Variants in GLYCTK observed in about 807,000 individuals in gnomAD.
The protein encoded by GLYCTK is glycerate kinase.
Under a neutral mutation model 24.8 loss-of-function variants are expected in GLYCTK, and 22 were observed. That is an observed-to-expected ratio of 0.89 (90% confidence interval 0.63 to 1.27). The LOEUF is 1.27. GLYCTK is among the 50% of genes most tolerant of loss of function. The probability of loss-of-function intolerance (pLI) is 0.00; values close to 1 mark genes in which losing one functional copy is unlikely to be tolerated. For synonymous variants in GLYCTK, 320 were observed against 297.2 expected, an observed-to-expected ratio of 1.08 and a Z score of -0.79; for missense variants, 684 against 686.7, an observed-to-expected ratio of 1.00 and a Z score of 0.04.
At position 52,292,427 on chromosome 3, in the gene GLYCTK, C is replaced by T. The variant is rs550396773; in HGVS notation, c.873C>T (p.Ala291=). Residue 291 remains alanine (A), a synonymous_variant, in exon 5 of 5, where the codon GCC becomes GCT. Transcript: ENST00000436784. ...PRSVKTVLSR[A]DSDPHGPHTC... ...CTGTGAAGACTGTGCTGTCTCGGGC[C>T]GACTCTGACCCCCATGGGCCACACA... 2.2e-5 allele frequency: 36 copies of T among 1,613,416 alleles called. No homozygotes were observed. The highest frequency in any genetic ancestry group is 1.3e-4 in the South Asian group (12 of 91,080).
rs760488717 is a variant in GLYCTK at position 52,290,678 on chromosome 3, T to A, written c.336T>A (p.Val112=). The change falls in exon 2 of 5, where the codon GTT becomes GTA. Residue 112 remains valine (V), a synonymous_variant. Transcript: ENST00000436784. The part of the protein sequence containing the change: ...GQHLVQGVIS[V]PKGIRAAMER... ...ATCTTGTGCAGGGCGTGATCAGCGT[T>A]CCCAAGGGGATCCGTGCTGCCATGG... 4.3e-6 allele frequency: 7 copies of A among 1,613,460 alleles called. No homozygotes were observed. Among genetic ancestry groups the A allele is most frequent in the Non-Finnish European group, 5.9e-6 (7 of 1,179,828 alleles).
chr3:52,290,419 C>T lies in GLYCTK; in HGVS notation c.77C>T (p.Ala26Val), dbSNP rs1475401287. ...LHPLLWRGSV[A>V]RLASSMALAE... is the part of the protein sequence containing the mutation. ...CCACTCCTCTGGCGGGGCTCAGTGG[C>T]CCGTCTGGCCAGCAGCATGGCCTTG... The change falls in exon 2 of 5, where the codon GCC (alanine) becomes GTC (valine). Residue 26 changes from alanine to valine, a missense_variant. Coordinates refer to ENST00000436784, the MANE Select transcript of GLYCTK (RefSeq NM_145262.4). 6.2e-7 allele frequency: 1 copy of T among 1,610,590 alleles called. No individual in the cohort carries two copies. Among genetic ancestry groups the T allele is most frequent in the South Asian group, 1.1e-5 (1 of 91,066 alleles).
chr3:52,288,665 T>A (rs1467206471), intron 1 of GLYCTK: 1 of 152,186 alleles, frequency 6.6e-6, no homozygotes, highest in African/African-American at 2.4e-5. Flanking sequence ...GCATTGAGCG[T>A]CCCCCTGTCC....
Position 52,290,379 on chromosome 3 carries a change from C to G in GLYCTK, c.37C>G (p.Arg13Gly). The change falls in exon 2 of 5, where the codon CGA becomes GGA. Residue 13 changes from arginine to glycine, a missense_variant. By Grantham distance (125) the Arg-to-Gly change is moderately radical. Transcript: ENST00000436784. Reference sequence around the variant, plus strand: ...CCTGCAGGTCCTGCCCCGCTTGGCCCGAGCCCCCTTGCATCCACTCCTCTG... The same window carrying G: ...CCTGCAGGTCCTGCCCCGCTTGGCCGGAGCCCCCTTGCATCCACTCCTCTG... ...AALQVLPRLA[R>G]APLHPLLWRG... 1 of 1,603,064 alleles carries G rather than the reference C, an allele frequency of 6.2e-7. No homozygotes were observed. The highest frequency in any genetic ancestry group is 1.1e-5 in the South Asian group (1 of 90,954).
In GLYCTK at chr3:52,295,098, C is replaced by G. The variant is rs1416380869; in HGVS notation, c.*1972C>G. On this transcript the variant is annotated 3_prime_UTR_variant, in exon 5 of 5. Transcript: ENST00000436784. ...ATTGGACCCCATAGGGCCAAATGGT[C>G]TGTGAGCCTAACCCGTTAGATTTGC... The G allele has an allele frequency of 2.2e-6, 1 of 453,978 alleles. No homozygotes were observed. The highest frequency in any genetic ancestry group is 4.4e-6 in the Non-Finnish European group (1 of 226,802). The allele number at this position is 453,978 out of a possible 1,614,324, so 28.1% of individuals were successfully genotyped here.
In GLYCTK at chr3:52,290,670, A is replaced by G. The variant is rs1470638583; in HGVS notation, c.328A>G (p.Ile110Val). ...GGGCCAGCATCTTGTGCAGGGCGTG[A>G]TCAGCGTTCCCAAGGGGATCCGTGC... ...LLGQHLVQGVISVPKGIRAAM... is the reference protein window; with the variant it reads ...LLGQHLVQGVVSVPKGIRAAM... Residue 110 changes from isoleucine (I) to valine (V), a missense_variant, in exon 2 of 5, where the codon ATC (isoleucine) becomes GTC (valine). Physicochemically the swap from Ile to Val is conservative, Grantham distance 29. Transcript: ENST00000436784. 1 of 1,613,612 alleles carries G rather than the reference A, an allele frequency of 6.2e-7. No individual in the cohort carries two copies. Among genetic ancestry groups the G allele is most frequent in the East Asian group, 2.2e-5 (1 of 44,876 alleles).
In GLYCTK at chr3:52,290,985, C is replaced by A; in HGVS notation, c.403C>A (p.Arg135Ser). 1 of 1,614,082 alleles carries A rather than the reference C, an allele frequency of 6.2e-7. No individual in the cohort carries two copies. The highest frequency in any genetic ancestry group is 8.5e-7 in the Non-Finnish European group (1 of 1,180,020). ...KQEMLLKPHS[R>S]VQVFEGAEDN... ...GGAGATGCTGCTGAAGCCACATAGC[C>A]GTGTCCAGGTATTCGAGGGTGCGGA... The change falls in exon 3 of 5, where the codon CGT becomes AGT. Residue 135 changes from arginine to serine, a missense_variant. Transcript: ENST00000436784.
rs764187769 is a variant in GLYCTK at position 52,292,639 on chromosome 3, C to G, written c.1085C>G (p.Ser362Cys). The G allele has an allele frequency of 1.2e-6, 2 of 1,608,640 alleles. No homozygotes were observed. Among genetic ancestry groups the G allele is most frequent in the South Asian group, 1.1e-5 (1 of 90,752 alleles). ...GTGGCTAGAACCCGCCTCACCCCAT[C>G]CATGGCTGGGGCTTCTGTGGAGGAA... ...AHVARTRLTP[S>C]MAGASVEEDA... Residue 362 changes from serine to cysteine, a missense_variant, in exon 5 of 5, where the codon TCC becomes TGC. Coordinates refer to ENST00000436784, the MANE Select transcript of GLYCTK (RefSeq NM_145262.4).
chr3:52,294,574 C>T lies in GLYCTK; in HGVS notation c.*1448C>T, dbSNP rs1380143146. 10 of 397,992 alleles carry T rather than the reference C, an allele frequency of 2.5e-5. No homozygotes were observed. The highest frequency in any genetic ancestry group is 4.0e-5 in the Non-Finnish European group (8 of 201,626). 24.7% of individuals were successfully genotyped at this position (397,992 alleles called of 1,614,324 possible). Reference sequence around the variant, plus strand: ...TAGGAAAAGGGGAGCTTGCACCCCACTGGGATGCGCAGGCACCGCTTCCTT... The same window carrying T: ...TAGGAAAAGGGGAGCTTGCACCCCATTGGGATGCGCAGGCACCGCTTCCTT... On this transcript the variant is annotated 3_prime_UTR_variant, in exon 5 of 5. Coordinates refer to ENST00000436784, the MANE Select transcript of GLYCTK (RefSeq NM_145262.4).
chr3:52,291,100 T>C lies in GLYCTK; in HGVS notation c.518T>C (p.Val173Ala). 6.2e-7 allele frequency: 1 copy of C among 1,611,138 alleles called. No homozygotes were observed. The highest frequency in any genetic ancestry group is 8.5e-7 in the Non-Finnish European group (1 of 1,179,970). Residue 173 changes from valine (V) to alanine (A), a missense_variant, in exon 3 of 5, where the codon GTG becomes GCG. Val to Ala is a moderately conservative substitution (Grantham distance 64). Transcript: ENST00000436784. The part of the protein sequence containing the change: ...EGLTADDLLL[V>A]LISGGGSALL... Reference sequence around the variant, plus strand: ...CTCACAGCTGATGACCTGCTGCTCGTGCTGATCTCAGGTGTGGTACCACAT... The same window carrying C: ...CTCACAGCTGATGACCTGCTGCTCGCGCTGATCTCAGGTGTGGTACCACAT...
intron 4 of GLYCTK, 49 bp from the exon 5 acceptor site, chr3:52,292,211 G>A: frequency 6.2e-7 from 1 of 1,611,678 alleles, no homozygotes; most frequent in Non-Finnish European, 8.5e-7. Context: ...TATGGGCTCT[G>A]AGGGGAGGAG....
At position 52,292,659 on chromosome 3, in the gene GLYCTK, G is replaced by A. The variant is rs1209444767; in HGVS notation, c.1105G>A (p.Glu369Lys). 1 of 1,606,478 alleles carries A rather than the reference G, an allele frequency of 6.2e-7. No individual in the cohort carries two copies. Among genetic ancestry groups the A allele is most frequent in the African/African-American group, 1.3e-5 (1 of 74,902 alleles). ...CCCATCCATGGCTGGGGCTTCTGTG[G>A]AGGAAGATGCACAGCTCCATGAGCT... The part of the protein sequence containing the change: ...LTPSMAGASV[E>K]EDAQLHELAA... The change falls in exon 5 of 5, where the codon GAG becomes AAG. Residue 369 changes from glutamate to lysine, a missense_variant. By Grantham distance (56) the Glu-to-Lys change is moderately conservative. Transcript: ENST00000436784.
chr3:52,289,909 A>G (rs1462571097), intron 1 of GLYCTK, among the ~76,000 whole-genome samples: 1 of 152,234 alleles, frequency 6.6e-6, no homozygotes, highest in Admixed American at 6.5e-5. Flanking sequence ...GCGTTGCCCC[A>G]GGGTAACAGC....
At position 52,294,678 on chromosome 3, in the gene GLYCTK, G is replaced by A. The variant is rs1466811455; in HGVS notation, c.*1552G>A. ...TATGGTGATCCTCGCATGATCCTGT[G>A]CCGTGGTGCTCCTCTGGCAGCGTCT... On this transcript the variant is annotated 3_prime_UTR_variant, in exon 5 of 5. Coordinates refer to ENST00000436784, the MANE Select transcript of GLYCTK (RefSeq NM_145262.4). 1 of 442,834 alleles carries A rather than the reference G, an allele frequency of 2.3e-6. No individual in the cohort carries two copies. The highest frequency in any genetic ancestry group is 4.6e-6 in the Non-Finnish European group (1 of 219,268). The allele number at this position is 442,834 out of a possible 1,614,324, so 27.4% of individuals were successfully genotyped here. A position where few individuals can be genotyped will look rare whatever the true frequency, so the allele number is the denominator to read the frequency against.
At chr3:52,290,775 C>A in intron 2 of GLYCTK, 56 bp downstream of exon 2, 1 of 1,597,008 alleles carries the variant, frequency 6.3e-7, no homozygotes, top group Non-Finnish European at 8.5e-7. Flanking sequence ...AACCTGGGCC[C>A]AGACACAGGC....
In GLYCTK at chr3:52,291,878, C is replaced by T; in HGVS notation, c.661C>T (p.Gln221Ter). Reference protein sequence around the residue: ...ELNTIRKALSQLKGGGLAQAA... With the variant: ...ELNTIRKALS ...GAACACCATTCGGAAGGCCCTGTCC[C>T]AGCTCAAGGGTGGGGGGCTGGCTCA... is the stretch of plus-strand genomic sequence containing the variant. The change falls in exon 4 of 5, where the codon CAG (glutamine) becomes TAG (stop). Residue 221 changes from glutamine to a stop codon, truncating the protein, a stop_gained. Coordinates refer to ENST00000436784, the MANE Select transcript of GLYCTK (RefSeq NM_145262.4). LOFTEE classifies it high-confidence loss of function. 1 of 1,613,762 alleles carries T rather than the reference C, an allele frequency of 6.2e-7. No individual in the cohort carries two copies. Among genetic ancestry groups the T allele is most frequent in the Non-Finnish European group, 8.5e-7 (1 of 1,179,984 alleles).
In GLYCTK at chr3:52,294,124, G is replaced by T; in HGVS notation, c.*998G>T. On this transcript the variant is annotated 3_prime_UTR_variant, in exon 5 of 5. Coordinates refer to ENST00000436784, the MANE Select transcript of GLYCTK (RefSeq NM_145262.4). ...CAAGTGGGAATAGAGGAACGGCTGT[G>T]TTGGCCTGGCCAGCAGCCTGGGTTG... is the stretch of plus-strand genomic sequence containing the variant. 1 of 529,756 alleles carries T rather than the reference G, an allele frequency of 1.9e-6. No homozygotes were observed. The highest frequency in any genetic ancestry group is 3.9e-6 in the Non-Finnish European group (1 of 258,430). The allele number at this position is 529,756 out of a possible 1,614,324, so 32.8% of individuals were successfully genotyped here. A position where few individuals can be genotyped will look rare whatever the true frequency, so the allele number is the denominator to read the frequency against.
chr3:52,290,524 T>C lies in GLYCTK; in HGVS notation c.182T>C (p.Leu61Ser), dbSNP rs1471146850. The C allele has an allele frequency of 1.2e-6, 2 of 1,613,478 alleles. No individual in the cohort carries two copies. Among genetic ancestry groups the C allele is most frequent in the Non-Finnish European group, 1.7e-6 (2 of 1,180,018 alleles). ...CCCATGCTGCACCGGGCACTATCCT[T>C]GGACCCTGGTGGCAGACAGCTGAAG... ...PGPMLHRALSLDPGGRQLKVR... is the reference protein window; with the variant it reads ...PGPMLHRALSSDPGGRQLKVR... Residue 61 changes from leucine to serine, a missense_variant, in exon 2 of 5, where the codon TTG becomes TCG. Coordinates refer to ENST00000436784, the MANE Select transcript of GLYCTK (RefSeq NM_145262.4).
In GLYCTK at chr3:52,294,773, C is replaced by T. The variant is rs1342402252; in HGVS notation, c.*1647C>T. The stretch of plus-strand genomic sequence containing the variant: ...AGTATTGGCACTGGGTTCCAAGTTC[C>T]AGGCAAAAGCAGGATAGGAGAGCTG... On this transcript the variant is annotated 3_prime_UTR_variant, in exon 5 of 5. Coordinates refer to ENST00000436784, the MANE Select transcript of GLYCTK (RefSeq NM_145262.4). 8.8e-6 allele frequency: 4 copies of T among 452,136 alleles called. No homozygotes were observed. The Admixed American group carries it at 9.4e-5, about 11-fold the overall frequency. The allele number at this position is 452,136 out of a possible 1,614,324, so 28.0% of individuals were successfully genotyped here.
Sources: allele counts gnomAD v4.1 joint callset (sites outside exome capture counted in the v4.1 genomes callset), GRCh38; gene constraint gnomAD v4.1.1; transcripts MANE v1.5; gene names NCBI Gene and HGNC (gene_info 2026-07-23, HGNC 2026-07-21).